Variants in PNPLA2 observed in about 807,000 individuals in gnomAD.
PNPLA2 encodes patatin like domain 2, triacylglycerol lipase.
PNPLA2 carries 28 observed loss-of-function variants against 39.7 expected under a neutral mutation model. That is an observed-to-expected ratio of 0.70 (90% CI 0.52 to 0.97). The LOEUF (loss-of-function observed/expected upper bound fraction) is 0.97. Ranked by LOEUF, PNPLA2 falls within the 50% of genes least tolerant of loss-of-function variation. PNPLA2 has a pLI of 0.00. For missense variants in PNPLA2, 768 were observed against 698.2 expected (o/e 1.10, Z -1.13); for synonymous variants, 392 against 321.1 (o/e 1.22, Z -2.36).
chr11:822,729 G>A, intron 5 of PNPLA2, 123 bp downstream of exon 5: 2 of 818,120 alleles, frequency 2.4e-6, no homozygotes, highest in South Asian at 1.4e-5. Context: ...TCTGAGGGCT[G>A]GGGAAAGCGC....
Position 818,977 on chromosome 11 carries a change from G to A in PNPLA2, c.-146+19G>A, listed in dbSNP as rs1023508361. On this transcript the variant is annotated intron_variant, in intron 1 of 9. Transcript: ENST00000336615. ...GACCCAGGTAAGAAGCCAAGGTCCG[G>A]AAGGGTCGCGGGCGCGGGGCAGGGC... 1 of 152,606 alleles carries A rather than the reference G, an allele frequency of 6.6e-6. No homozygotes were observed. Among genetic ancestry groups the A allele is most frequent in the Non-Finnish European group, 1.5e-5 (1 of 68,312 alleles). The allele number at this position is 152,606 out of a possible 1,614,324, so 9.5% of individuals were successfully genotyped here.
chr11:824,336 G>A lies in PNPLA2; in HGVS notation c.1075G>A (p.Val359Ile). Residue 359 changes from valine (V) to isoleucine (I), a missense_variant, in exon 9 of 10, where the codon GTT becomes ATT. Coordinates refer to ENST00000336615, the MANE Select transcript of PNPLA2 (RefSeq NM_020376.4). ...CAGCTTGCTGGAGTGGCTGCCCGAC[G>A]TTCCCGAGGACATCCGGTGGATGAA... is the stretch of plus-strand genomic sequence containing the variant. ...TIRLLEWLPD[V>I]PEDIRWMKEQ... 1 of 1,551,256 alleles carries A rather than the reference G, an allele frequency of 6.4e-7. No homozygotes were observed. Among genetic ancestry groups the A allele is most frequent in the Non-Finnish European group, 8.7e-7 (1 of 1,147,578 alleles).
rs972915182 is a variant in PNPLA2 at position 823,842 on chromosome 11, C to G, written c.906C>G (p.Ala302=). 6.3e-7 allele frequency: 1 copy of G among 1,589,390 alleles called. No homozygotes were observed. The highest frequency in any genetic ancestry group is 1.3e-5 in the African/African-American group (1 of 74,602). ...ATCACATCCTGGAGCACCTGCCCGC[C>G]CGGCTCAATGAGGGTGCGCACCTGG... The part of the protein sequence containing the change: ...GEDHILEHLP[A]RLNEALLEAC... Residue 302 remains alanine (A), a synonymous_variant, in exon 7 of 10, where the codon GCC becomes GCG. Coordinates refer to ENST00000336615, the MANE Select transcript of PNPLA2 (RefSeq NM_020376.4).
intron 2 of PNPLA2, 41 bp downstream of exon 2, chr11:819,946 A>C: frequency 8.1e-7 from 1 of 1,237,540 alleles, no homozygotes; most frequent in Non-Finnish European, 1.0e-6. Context: ...GCTGGCGGGA[A>C]GGCCGTGCGG....
chr11:824,829 G>C lies in PNPLA2; in HGVS notation c.1482G>C (p.Glu494Asp). ...PAPLLSTPAPEARPVIGALGL is the reference protein window; with the variant it reads ...PAPLLSTPAPDARPVIGALGL ...CCTTGCTGAGCACCCCTGCTCCCGAGGCCCGGCCCGTGATCGGGGCCCTGG... is the reference window on the plus strand; with the variant it reads ...CCTTGCTGAGCACCCCTGCTCCCGACGCCCGGCCCGTGATCGGGGCCCTGG... Residue 494 changes from glutamate to aspartate, a missense_variant, in exon 10 of 10, where the codon GAG becomes GAC. Physicochemically the swap from Glu to Asp is conservative, Grantham distance 45 (BLOSUM62 2). Coordinates refer to ENST00000336615, the MANE Select transcript of PNPLA2 (RefSeq NM_020376.4). The C allele has an allele frequency of 6.5e-7, 1 of 1,534,700 alleles. No homozygotes were observed.
intron 2 of PNPLA2, 72 bp downstream of exon 2, chr11:819,977 G>T: frequency 8.5e-7 from 1 of 1,176,772 alleles, no homozygotes; most frequent in South Asian, 2.3e-5. Context: ...TGGTCTCCGT[G>T]AGCGGAGGGG....
Position 821,657 on chromosome 11 carries a change from T to C in PNPLA2, c.217T>C (p.Ser73Pro), listed in dbSNP as rs1845667796. 3 of 1,613,798 alleles carry C rather than the reference T, an allele frequency of 1.9e-6. No individual in the cohort carries two copies. Among genetic ancestry groups the C allele is most frequent in the Non-Finnish European group, 2.5e-6 (3 of 1,179,986 alleles). Residue 73 changes from serine (S) to proline (P), a missense_variant, in exon 3 of 10, where the codon TCT becomes CCT. Physicochemically the swap from Ser to Pro is moderately conservative, Grantham distance 74 (BLOSUM62 -1). Transcript: ENST00000336615. Reference sequence around the variant, plus strand: ...GGCTGGTGCCAAGTTCATTGAGGTATCTAAAGAGGCCCGGAAGCGGTTCCT... The same window carrying C: ...GGCTGGTGCCAAGTTCATTGAGGTACCTAAAGAGGCCCGGAAGCGGTTCCT... ...GEAGAKFIEV[S>P]KEARKRFLGP... is the part of the protein sequence containing the mutation.
In PNPLA2 at chr11:824,553, C is replaced by T; in HGVS notation, c.1206C>T (p.Val402=). 1 of 1,560,168 alleles carries T rather than the reference C, an allele frequency of 6.4e-7. No homozygotes were observed. The highest frequency in any genetic ancestry group is 8.6e-7 in the Non-Finnish European group (1 of 1,156,824). The part of the protein sequence containing the change: ...RLPEQVELRR[V]QSLPSVPLSC... ...CGGAGCAGGTGGAGCTGCGCCGCGT[C>T]CAGTCGCTGCCGTCCGTGCCGCTGT... The change falls in exon 10 of 10, where the codon GTC becomes GTT. Residue 402 remains valine, a synonymous_variant. Transcript: ENST00000336615.
At chr11:819,233 G>A (rs1466012251) in intron 1 of PNPLA2, 7 of 171,502 alleles carry the variant, frequency 4.1e-5, no homozygotes, top group African/African-American at 7.2e-5. Context: ...AGGCGGACCC[G>A]GTGGGGAGGG....
Position 819,756 on chromosome 11 carries a change from C to A in PNPLA2, c.38C>A (p.Ala13Glu), listed in dbSNP as rs865870634. The part of the protein sequence containing the change: ...PREKTWNISF[A>E]GCGFLGVYYV... ...GAGAAGACGTGGAACATCTCGTTCG[C>A]GGGCTGCGGCTTCCTCGGCGTCTAC... Residue 13 changes from alanine to glutamate, a missense_variant, in exon 2 of 10, where the codon GCG becomes GAG. Ala to Glu is a moderately radical substitution (Grantham distance 107, BLOSUM62 -1). Coordinates refer to ENST00000336615, the MANE Select transcript of PNPLA2 (RefSeq NM_020376.4). 1 of 1,510,198 alleles carries A rather than the reference C, an allele frequency of 6.6e-7. No individual in the cohort carries two copies. The highest frequency in any genetic ancestry group is 2.8e-5 in the East Asian group (1 of 35,232). 93.5% of individuals were successfully genotyped at this position (1,510,198 alleles called of 1,614,324 possible). A position where few individuals can be genotyped will look rare whatever the true frequency, so the allele number is the denominator to read the frequency against.
chr11:822,838 T>TG (rs1845715902), intron 5 of PNPLA2, among the ~76,000 whole-genome samples: 1 of 149,848 alleles, frequency 6.7e-6, no homozygotes, highest in Admixed American at 6.7e-5. Flanking sequence ...TTTTTTTTTT[T>TG]GTTTGAGACG....
In PNPLA2 at chr11:822,504, CTCCACCAACA is replaced by C. The variant is rs1845701019; in HGVS notation, c.600_609del (p.Asn201SerfsTer52). 1.9e-6 allele frequency: 3 copies of C among 1,613,858 alleles called. No homozygotes were observed. Among genetic ancestry groups the C allele is most frequent in the African/African-American group, 2.7e-5 (2 of 74,936 alleles). On this transcript the variant is annotated frameshift_variant, in exon 5 of 10. Coordinates refer to ENST00000336615, the MANE Select transcript of PNPLA2 (RefSeq NM_020376.4). LOFTEE classifies it high-confidence loss of function. The stretch of plus-strand genomic sequence containing the variant: ...AGAGTGACATCTGTCCGCAGGACAG[CTCCACCAACA>C]TCCACGAGCTGCGGGTCACCAACAC...
intron 5 of PNPLA2, among the ~76,000 whole-genome samples, chr11:822,931 TCTC>T (rs1041094697): frequency 1.1e-4 from 17 of 152,206 alleles, no homozygotes; most frequent in African/African-American, 3.9e-4. Context: ...TTCAAGCTAT[TCTC>T]CTGCCTCAGC....
intron 1 of PNPLA2, 132 bp from the exon 2 acceptor site, chr11:819,442 C>T: frequency 8.6e-7 from 1 of 1,163,756 alleles, no homozygotes; most frequent in Non-Finnish European, 1.1e-6. Context: ...GCGCGGGGGG[C>T]CGGGTCAAGG....
rs1051792254 is a variant in PNPLA2 at position 819,605 on chromosome 11, C to T, written c.-114C>T. On this transcript the variant is annotated 5_prime_UTR_variant, in exon 2 of 10. Transcript: ENST00000336615. ...CGCCTCCGCCAGCGGGGACCCCGAG[C>T]TAGAGCCGCAGCGGGACCTGCCCGG... The T allele has an allele frequency of 7.7e-7, 1 of 1,290,350 alleles. No homozygotes were observed. The highest frequency in any genetic ancestry group is 9.9e-7 in the Non-Finnish European group (1 of 1,005,578). The allele number at this position is 1,290,350 out of a possible 1,614,324, so 79.9% of individuals were successfully genotyped here. A position where few individuals can be genotyped will look rare whatever the true frequency, so the allele number is the denominator to read the frequency against.
At position 824,963 on chromosome 11, in the gene PNPLA2, G is replaced by GC. The variant is rs1565092386; in HGVS notation, c.*106dup. 5.1e-6 allele frequency: 5 copies of GC among 984,348 alleles called. No homozygotes were observed. The highest frequency in any genetic ancestry group is 4.1e-5 in the South Asian group (3 of 72,590). The allele number at this position is 984,348 out of a possible 1,614,324, so 61.0% of individuals were successfully genotyped here. Reference sequence around the variant, plus strand: ...TTGCCAAGAGGGGTCTTTGCCGTGGGCCCCCTCGCCAGCCACTCACCAGCT... The same window carrying GC: ...TTGCCAAGAGGGGTCTTTGCCGTGGGCCCCCCTCGCCAGCCACTCACCAGCT... On this transcript the variant is annotated 3_prime_UTR_variant, in exon 10 of 10. Transcript: ENST00000336615.
rs1230850024 is a variant in PNPLA2 at position 825,309 on chromosome 11, TCTCCACAGCTG to T, written c.*449_*459del. On this transcript the variant is annotated 3_prime_UTR_variant, in exon 10 of 10. Coordinates refer to ENST00000336615, the MANE Select transcript of PNPLA2 (RefSeq NM_020376.4). ...CTGGCCCTACCTTGGCTGACCAGCCTCTCCACAGCTGCAGGCCAGGTCTCCCAGCGTCGCAC... is the reference window on the plus strand; with the variant it reads ...CTGGCCCTACCTTGGCTGACCAGCCTCAGGCCAGGTCTCCCAGCGTCGCAC... The T allele has an allele frequency of 3.8e-6, 1 of 263,024 alleles. No homozygotes were observed. Among genetic ancestry groups the T allele is most frequent in the Non-Finnish European group, 7.4e-6 (1 of 134,444 alleles). The allele number at this position is 263,024 out of a possible 1,614,324, so 16.3% of individuals were successfully genotyped here.
chr11:822,360 C>T (rs764376259), intron 4 of PNPLA2, 37 bp from the exon 5 acceptor site: 1 of 1,567,050 alleles, frequency 6.4e-7, no homozygotes, highest in East Asian at 2.2e-5. Flanking sequence ...CAGCCACAGG[C>T]CCTCACATAC....
In PNPLA2 at chr11:823,848, C is replaced by CA; in HGVS notation, c.914dup (p.Asn305LysfsTer2). 1 of 1,586,878 alleles carries CA rather than the reference C, an allele frequency of 6.3e-7. No individual in the cohort carries two copies. The highest frequency in any genetic ancestry group is 8.6e-7 in the Non-Finnish European group (1 of 1,167,636). On this transcript the variant is annotated frameshift_variant, in exon 7 of 10. Transcript: ENST00000336615. LOFTEE classifies it high-confidence loss of function. ...TCCTGGAGCACCTGCCCGCCCGGCT[C>CA]AATGAGGGTGCGCACCTGGGGGACG...
Sources: gnomAD v4.1 joint callset for allele counts (sites outside exome capture counted in the v4.1 genomes callset) on GRCh38, gnomAD v4.1.1 for gene constraint, MANE v1.5 for transcripts, NCBI Gene and HGNC (gene_info 2026-07-23, HGNC 2026-07-21) for gene names.